Variants in PCDHGA3 observed in about 807,000 individuals in gnomAD.
PCDHGA3 encodes the protein protocadherin gamma subfamily A, 3.
In PCDHGA3, 40 loss-of-function variants were observed where a neutral mutation model predicts 58.5. The observed-to-expected ratio is 0.68, with a 90% CI of 0.53 to 0.89. The LOEUF (loss-of-function observed/expected upper bound fraction) is 0.89, where lower values mean the gene tolerates loss of function less well. Ranked by LOEUF, PCDHGA3 falls within the 40% of genes least tolerant of loss-of-function variation. PCDHGA3 has a pLI of 0.00. For synonymous variants in PCDHGA3, 530 were observed against 525.7 expected (o/e 1.01, Z -0.11); for missense variants, 1,223 against 1,195.9 (o/e 1.02, Z -0.33).
intron 1 of PCDHGA3, among the ~76,000 whole-genome samples, chr5:141,452,284 C>G (rs1182155879): frequency 6.6e-6 from 1 of 152,112 alleles, no homozygotes; most frequent in Non-Finnish European, 1.5e-5. Context: ...TTCTTACTTT[C>G]TGATATAAGA....
chr5:141,504,541 C>G (rs1050153403), intron 2 of PCDHGA3, among the ~76,000 whole-genome samples: 2 of 151,728 alleles, frequency 1.3e-5, no homozygotes, highest in Non-Finnish European at 2.9e-5. Context: ...GTCATCATGG[C>G]AAATGTTGGG....
At chr5:141,437,660 G>A (rs1021986333) in intron 1 of PCDHGA3, among the ~76,000 whole-genome samples, 6 of 151,866 alleles carry the variant, frequency 4.0e-5, no homozygotes, top group Non-Finnish European at 5.9e-5. Flanking sequence ...ACATAGTTTC[G>A]AAGAGATGTT....
At chr5:141,380,893 A>G (rs1776824840) in intron 1 of PCDHGA3, among the ~76,000 whole-genome samples, 2 of 152,246 alleles carry the variant, frequency 1.3e-5, no homozygotes, top group East Asian at 3.8e-4. Flanking sequence ...TTTGTTTGAA[A>G]ATATCTACAA....
rs183831513 is a variant in PCDHGA3 at position 141,497,605 on chromosome 5, T to A, written c.2483+2740T>A. ...CCCAAGCTGGAGTGCAGTGGTGCGA[T>A]CTTGGCTCACTGCAACCTCTGCCTG... On this transcript the variant is annotated intron_variant, in intron 2 of 3. Coordinates refer to ENST00000253812, the MANE Select transcript of PCDHGA3 (RefSeq NM_018916.4). Among the ~76,000 whole-genome samples, 19 of 151,488 alleles carry A rather than the reference T, an allele frequency of 1.3e-4. No individual in the cohort carries two copies. In the East Asian group the frequency reaches 3.7e-3, roughly 29 times the overall value.
intron 1 of PCDHGA3, chr5:141,398,849 T>G: frequency 6.2e-7 from 1 of 1,613,874 alleles, no homozygotes; most frequent in Admixed American, 1.7e-5. Flanking sequence ...AATCCCCCGG[T>G]ATTCAACCGA....
At chr5:141,370,557 G>C in intron 1 of PCDHGA3, 3 of 1,613,966 alleles carry the variant, frequency 1.9e-6, no homozygotes, top group Non-Finnish European at 2.5e-6. Flanking sequence ...CAAGGACCTG[G>C]GGTTTGGCGT....
intron 1 of PCDHGA3, among the ~76,000 whole-genome samples, chr5:141,386,562 A>G (rs979902403): frequency 3.0e-4 from 45 of 152,130 alleles, no homozygotes; most frequent in Non-Finnish European, 4.7e-4. Context: ...TATTTTGCAC[A>G]TGATAGACTC....
In PCDHGA3 at chr5:141,512,809, A is replaced by C. The variant is rs2099884438; in HGVS notation, c.*1636A>C. ...GTGTTTTGTGCTGTGTCCACGCGCT[A>C]AGGCGACCCCCTCCCCCGTACTGAC... On this transcript the variant is annotated 3_prime_UTR_variant, in exon 4 of 4. Coordinates refer to ENST00000253812, the MANE Select transcript of PCDHGA3 (RefSeq NM_018916.4). 6.6e-6 allele frequency: 1 copy of C among 152,130 alleles called. No homozygotes were observed. The highest frequency in any genetic ancestry group is 2.4e-5 in the African/African-American group (1 of 41,404). The allele number at this position is 152,130 out of a possible 1,614,324, so 9.4% of individuals were successfully genotyped here. A position where few individuals can be genotyped will look rare whatever the true frequency, so the allele number is the denominator to read the frequency against.
At chr5:141,423,169 C>G (rs747206648) in intron 1 of PCDHGA3, 2 of 1,613,460 alleles carry the variant, frequency 1.2e-6, no homozygotes, top group Admixed American at 3.3e-5. Context: ...GGTGGCCGTC[C>G]AGGACCACGG....
At chr5:141,387,643 C>G in intron 1 of PCDHGA3, 1 of 625,670 alleles carries the variant, frequency 1.6e-6, no homozygotes, top group Non-Finnish European at 2.7e-6. Flanking sequence ...CGCTGTTGGC[C>G]AAAGTGGAGA....
rs956295940 is a variant in PCDHGA3 at position 141,477,700 on chromosome 5, G to T, written c.2425-17107G>T. The T allele has an allele frequency of 1.2e-6, 2 of 1,613,954 alleles. No individual in the cohort carries two copies. Among genetic ancestry groups the T allele is most frequent in the African/African-American group, 2.7e-5 (2 of 74,928 alleles). On this transcript the variant is annotated intron_variant, in intron 1 of 3. Coordinates refer to ENST00000253812, the MANE Select transcript of PCDHGA3 (RefSeq NM_018916.4). This position sits in a 1 kb window ranked among gnomAD's most constrained non-coding sequence, Gnocchi z 4.9. ...CATCCTTAGTGCCCCTAGACTATGAGGATCGGCGGGAATTTGAATTAACAG... is the reference window on the plus strand; with the variant it reads ...CATCCTTAGTGCCCCTAGACTATGATGATCGGCGGGAATTTGAATTAACAG...
chr5:141,356,132 A>G (rs1760120459), intron 1 of PCDHGA3: 1 of 1,613,458 alleles, frequency 6.2e-7, no homozygotes, highest in Non-Finnish European at 8.5e-7. Context: ...GATTATGAGG[A>G]CTCTGGATTC....
chr5:141,430,493 C>G (rs1232369484), intron 1 of PCDHGA3: 1 of 285,344 alleles, frequency 3.5e-6, no homozygotes, highest in African/African-American at 2.2e-5. Flanking sequence ...ACGAAATATC[C>G]TTTCTGGGAG....
intron 1 of PCDHGA3, chr5:141,390,655 A>G (rs2092202484): frequency 4.9e-6 from 1 of 204,734 alleles, no homozygotes; most frequent in Non-Finnish European, 9.8e-6. Flanking sequence ...GCTTGGATAT[A>G]CCATAAATAT....
chr5:141,351,407 C>G (rs764756339), intron 1 of PCDHGA3: 5 of 1,611,244 alleles, frequency 3.1e-6, no homozygotes, highest in Non-Finnish European at 4.2e-6. Context: ...ATGCTATACT[C>G]AGGAAGAAGT....
rs2099668037 is a variant in PCDHGA3 at position 141,487,853 on chromosome 5, T to C, written c.2425-6954T>C. The C allele has an allele frequency of 1.0e-6, 1 of 984,708 alleles. No individual in the cohort carries two copies. The allele number at this position is 984,708 out of a possible 1,614,324, so 61.0% of individuals were successfully genotyped here. The stretch of plus-strand genomic sequence containing the variant: ...CCTATATCTGAGTAAGAAATGAAAG[T>C]AATTGGTGATCAAGAGCCAGGCTGT... On this transcript the variant is annotated intron_variant, in intron 1 of 3. Transcript: ENST00000253812. The surrounding 1 kb of genome is among the most constrained non-coding windows in gnomAD (Gnocchi z 5.0).
intron 1 of PCDHGA3, chr5:141,389,864 G>A: frequency 6.2e-7 from 1 of 1,614,058 alleles, no homozygotes; most frequent in Non-Finnish European, 8.5e-7. Flanking sequence ...CGTTGCACCT[G>A]GTCTTCGCCG....
At position 141,500,368 on chromosome 5, in the gene PCDHGA3, C is replaced by T. The variant is rs181410708; in HGVS notation, c.2484-5025C>T. Among the ~76,000 whole-genome samples, 364 of 152,050 alleles carry T rather than the reference C, an allele frequency of 2.4e-3. 3 individuals carry two copies. The highest frequency in any genetic ancestry group is 9.2e-3 in the Admixed American group (140 of 15,274). ...GGACTACAGGCGCCCACTACCACGCCCGGCTAATTATTTTGTATTTTTAGT... is the reference window on the plus strand; with the variant it reads ...GGACTACAGGCGCCCACTACCACGCTCGGCTAATTATTTTGTATTTTTAGT... On this transcript the variant is annotated intron_variant, in intron 2 of 3. Transcript: ENST00000253812.
At chr5:141,358,301 A>G (rs1561516430) in intron 1 of PCDHGA3, among the ~76,000 whole-genome samples, 2 of 152,228 alleles carry the variant, frequency 1.3e-5, no homozygotes, top group South Asian at 2.1e-4. Flanking sequence ...GTAAATTCAC[A>G]TTTACAATAT....
Sources: gnomAD v4.1 joint callset for allele counts (sites outside exome capture counted in the v4.1 genomes callset) on GRCh38, gnomAD v4.1.1 for gene constraint, Gnocchi (gnomAD v3.1) non-coding constraint, MANE v1.5 for transcripts, NCBI Gene and HGNC (gene_info 2026-07-23, HGNC 2026-07-21) for gene names.